The following ARB2A variants were observed in gnomAD, a reference collection of about 807,000 sequenced individuals.
The protein encoded by ARB2A is cotranscriptional regulator ARB2A.
chr5:93,631,687 A>G, the ARB2A span, among the ~76,000 whole-genome samples: 2 of 152,008 alleles, frequency 1.3e-5, no homozygotes, highest in African/African-American at 4.8e-5. Context: ...AAGGGCTGGT[A>G]GAACTTTACA....
At chr5:93,986,554 C>T in the ARB2A span, among the ~76,000 whole-genome samples, 9 of 152,178 alleles carry the variant, frequency 5.9e-5, no homozygotes, top group South Asian at 2.1e-4. Flanking sequence ...GCCATGATGA[C>T]GATGGCGGTT....
chr5:93,786,039 G>A, the ARB2A span, among the ~76,000 whole-genome samples: 1 of 152,080 alleles, frequency 6.6e-6, no homozygotes, highest in South Asian at 2.1e-4. Context: ...TTTTCTAAAT[G>A]GTAACACTTT....
At chr5:93,921,907 G>A in the ARB2A span, among the ~76,000 whole-genome samples, 7 of 151,982 alleles carry the variant, frequency 4.6e-5, no homozygotes, top group Non-Finnish European at 7.4e-5. Flanking sequence ...TTTGTTATCG[G>A]ACAATATCCC....
At chr5:93,675,819 T>A in the ARB2A span, among the ~76,000 whole-genome samples, 1 of 152,212 alleles carries the variant, frequency 6.6e-6, no homozygotes, top group Non-Finnish European at 1.5e-5. Flanking sequence ...TACTGTTCAG[T>A]GTCTCTAATT....
chr5:94,057,179 G>A, the ARB2A span, among the ~76,000 whole-genome samples: 1 of 152,168 alleles, frequency 6.6e-6, no homozygotes, highest in Non-Finnish European at 1.5e-5. Flanking sequence ...AATTGTGTGA[G>A]TCAATTCTTT....
chr5:93,620,756 GCGCTCAGCCCGCGCTCAGCC>G, the ARB2A span: 10 of 440,752 alleles, frequency 2.3e-5, no homozygotes, highest in Non-Finnish European at 3.4e-5. Context: ...CTGACTGGCA[GCGCTCAGCCCGCGCTCAGCC>G]CGCAGGAAGC....
chr5:93,713,959 G>T, the ARB2A span, among the ~76,000 whole-genome samples: 1 of 152,144 alleles, frequency 6.6e-6, no homozygotes, highest in Admixed American at 6.5e-5. Context: ...GTGATCCTCA[G>T]CCCTCAGGGG....
At chr5:93,913,441 T>C in the ARB2A span, among the ~76,000 whole-genome samples, 1 of 151,914 alleles carries the variant, frequency 6.6e-6, no homozygotes, top group South Asian at 2.1e-4. Flanking sequence ...TATGACCTTG[T>C]CACTTTCCTT....
chr5:93,673,376 CTT>C, the ARB2A span, among the ~76,000 whole-genome samples: 3 of 151,868 alleles, frequency 2.0e-5, no homozygotes, highest in African/African-American at 7.3e-5. Flanking sequence ...TTCTTTCTCT[CTT>C]CTCTTTTTTT....
At chr5:93,857,980 C>G in the ARB2A span, among the ~76,000 whole-genome samples, 9 of 152,176 alleles carry the variant, frequency 5.9e-5, no homozygotes, top group Admixed American at 5.9e-4. Context: ...CTTCACATAC[C>G]TCACTTCTTA....
the ARB2A span, among the ~76,000 whole-genome samples, chr5:94,091,162 T>C: frequency 6.6e-6 from 1 of 152,224 alleles, no homozygotes; most frequent in African/African-American, 2.4e-5. Context: ...CATATGCTTG[T>C]TTTGATAAAA....
the ARB2A span, among the ~76,000 whole-genome samples, chr5:93,715,790 GA>G: frequency 6.8e-6 from 1 of 146,908 alleles, no homozygotes; most frequent in Admixed American, 6.8e-5. Context: ...AGAAAATTTT[GA>G]AAAAAAAATG....
chr5:94,071,081 C>A, the ARB2A span, among the ~76,000 whole-genome samples: 1 of 152,004 alleles, frequency 6.6e-6, no homozygotes. Context: ...CACATAAAAA[C>A]CTGTTGATGA....
chr5:93,809,383 T>C, the ARB2A span, among the ~76,000 whole-genome samples: 22 of 151,984 alleles, frequency 1.4e-4, no homozygotes, highest in Non-Finnish European at 2.5e-4. Flanking sequence ...ACCTAAAAGA[T>C]TGAAAAATAA....
chr5:93,879,656 T>C, the ARB2A span, among the ~76,000 whole-genome samples: 1 of 151,394 alleles, frequency 6.6e-6, no homozygotes, highest in Admixed American at 6.6e-5. Context: ...AGAAAATGCA[T>C]GCATAAAGAG....
At chr5:93,681,590 C>A in the ARB2A span, among the ~76,000 whole-genome samples, 1 of 152,156 alleles carries the variant, frequency 6.6e-6, no homozygotes, top group African/African-American at 2.4e-5. Flanking sequence ...CAAATTAGCA[C>A]AGTATGCAAA....
the ARB2A span, among the ~76,000 whole-genome samples, chr5:93,635,542 A>G: frequency 0.17 from 26,181 of 149,768 alleles, 3,001 homozygotes; most frequent in African/African-American, 0.31. Flanking sequence ...GCTCACTGCA[A>G]CCTCCTCCTG....
chr5:93,763,810 T>A, the ARB2A span, among the ~76,000 whole-genome samples: 1 of 152,148 alleles, frequency 6.6e-6, no homozygotes, highest in African/African-American at 2.4e-5. Flanking sequence ...AAAGCTCTCA[T>A]CAGCAAATGT....
chr5:93,896,833 A>T, the ARB2A span, among the ~76,000 whole-genome samples: 2 of 152,048 alleles, frequency 1.3e-5, no homozygotes, highest in Non-Finnish European at 2.9e-5. Flanking sequence ...ACTGCGACAT[A>T]TGCTCATTTT....
Sources: allele counts gnomAD v4.1 joint callset (sites outside exome capture counted in the v4.1 genomes callset), GRCh38; gene constraint gnomAD v4.1.1; transcripts MANE v1.5; gene names NCBI Gene and HGNC (gene_info 2026-07-23, HGNC 2026-07-21).